Variants in RYR1 observed in about 807,000 individuals in gnomAD.
RYR1 encodes the protein ryanodine receptor 1.
RYR1 carries 342 observed loss-of-function variants against 583.5 expected under a neutral mutation model. The ratio of observed to expected loss-of-function variants is 0.59; its 90% CI spans 0.54 to 0.64. RYR1 has a LOEUF of 0.64. Among genes scored for constraint, RYR1 ranks in the 30% least tolerant of loss-of-function variants. The pLI is 0.00. For missense variants in RYR1, 6,032 were observed against 6,917.2 expected (o/e 0.87, Z 4.54); for synonymous variants, 2,791 against 2,822.5 (o/e 0.99, Z 0.35).
At chr19:38,542,952 C>T (rs1350028216) in intron 84 of RYR1, among the ~76,000 whole-genome samples, 1 of 152,118 alleles carries the variant, frequency 6.6e-6, no homozygotes, top group Non-Finnish European at 1.5e-5. Context: ...AGCGATTCTC[C>T]TGCCTCAGCC....
Position 38,535,324 on chromosome 19 carries a change from G to T in RYR1, c.11448G>T (p.Leu3816=). The T allele has an allele frequency of 6.2e-7, 1 of 1,614,084 alleles. No individual in the cohort carries two copies. Among genetic ancestry groups the T allele is most frequent in the Non-Finnish European group, 8.5e-7 (1 of 1,179,992 alleles). Residue 3816 remains leucine (L), a synonymous_variant, in exon 81 of 106, where the codon CTG becomes CTT. Transcript: ENST00000359596. ...TGCCTCGCCCTCTGCAGAAAATGCTGGATTATCTTAAGGACAAGAAGGAAG... is the reference window on the plus strand; with the variant it reads ...TGCCTCGCCCTCTGCAGAAAATGCTTGATTATCTTAAGGACAAGAAGGAAG... ...GGNAEVQQKM[L]DYLKDKKEVG...
Position 38,433,862 on chromosome 19 carries a change from G to A in RYR1, c.33G>A (p.Gln11=), listed in dbSNP as rs1600608864. ...ACGCAGAAGGCGAAGACGAGGTCCAGTTCCTGCGGACGGTGCGTATCTCTG... is the reference window on the plus strand; with the variant it reads ...ACGCAGAAGGCGAAGACGAGGTCCAATTCCTGCGGACGGTGCGTATCTCTG... The part of the protein sequence containing the change: MGDAEGEDEV[Q]FLRTDDEVVL... The change falls in exon 1 of 106, where the codon CAG becomes CAA. Residue 11 remains glutamine, a synonymous_variant. Transcript: ENST00000359596. The A allele has an allele frequency of 1.2e-6, 2 of 1,612,960 alleles. No individual in the cohort carries two copies. Among genetic ancestry groups the A allele is most frequent in the African/African-American group, 2.7e-5 (2 of 74,722 alleles).
At chr19:38,497,196 T>C (rs554207768) in intron 42 of RYR1, among the ~76,000 whole-genome samples, 4 of 149,216 alleles carry the variant, frequency 2.7e-5, no homozygotes, top group Non-Finnish European at 5.9e-5. Context: ...GTCCACAGTC[T>C]ACGCTTCCGG....
chr19:38,494,262 G>C (rs1600800503), intron 38 of RYR1, 90 bp from the exon 39 acceptor site: 1 of 1,522,090 alleles, frequency 6.6e-7, no homozygotes, highest in Non-Finnish European at 9.1e-7. Flanking sequence ...TTCTGGAACA[G>C]GGGGCCCCTT....
intron 95 of RYR1, among the ~76,000 whole-genome samples, chr19:38,572,791 A>G (rs1973779482): frequency 8.3e-6 from 1 of 120,012 alleles, no homozygotes; most frequent in Non-Finnish European, 1.7e-5. Flanking sequence ...CCTGACCCCT[A>G]TATGCCCCTA....
chr19:38,577,001 T>G (rs1973984321), intron 97 of RYR1, among the ~76,000 whole-genome samples: 1 of 151,984 alleles, frequency 6.6e-6, no homozygotes, highest in South Asian at 2.1e-4. Flanking sequence ...TTCTCCTGCC[T>G]CAGCCTCCCG....
At chr19:38,529,854 A>G (rs1600941189) in intron 76 of RYR1, among the ~76,000 whole-genome samples, 1 of 152,216 alleles carries the variant, frequency 6.6e-6, no homozygotes, top group African/African-American at 2.4e-5. Flanking sequence ...TGTGTCAGGC[A>G]CCAAGCTAAG....
chr19:38,449,287 C>T (rs1263863760), intron 11 of RYR1, among the ~76,000 whole-genome samples: 2 of 151,956 alleles, frequency 1.3e-5, no homozygotes, highest in East Asian at 3.9e-4. Flanking sequence ...TGGTGAAACC[C>T]TGTCTCTACT....
chr19:38,451,872 A>T lies in RYR1; in HGVS notation c.1231A>T (p.Asn411Tyr). Residue 411 changes from asparagine (N) to tyrosine (Y), a missense_variant, in exon 12 of 106, where the codon AAC becomes TAC. Asn to Tyr is a moderately radical substitution (Grantham distance 143). This residue lies in a region of RYR1 where 2,627 missense variants were observed against 2,961.3 expected (regional missense o/e 0.89). Transcript: ENST00000359596. Reference sequence around the variant, plus strand: ...GATCCACAGCACCAATGGCCTATACAACCAGTTCATCAAGTGAGCAACCTG... The same window carrying T: ...GATCCACAGCACCAATGGCCTATACTACCAGTTCATCAAGTGAGCAACCTG... Reference protein sequence around the residue: ...RMIHSTNGLYNQFIKSLDSFS... With the variant: ...RMIHSTNGLYYQFIKSLDSFS... 1.9e-6 allele frequency: 3 copies of T among 1,614,044 alleles called. No homozygotes were observed. The highest frequency in any genetic ancestry group is 2.5e-6 in the Non-Finnish European group (3 of 1,179,978).
intron 84 of RYR1, among the ~76,000 whole-genome samples, chr19:38,542,254 G>A (rs563478632): frequency 1.3e-5 from 2 of 152,064 alleles, no homozygotes; most frequent in East Asian, 1.9e-4. Context: ...TTGAATAAAT[G>A]AACAAGTGAC....
At chr19:38,575,516 T>C (rs1362861534) in intron 96 of RYR1, among the ~76,000 whole-genome samples, 1 of 146,744 alleles carries the variant, frequency 6.8e-6, no homozygotes, top group Non-Finnish European at 1.5e-5. Context: ...ATACAAAAAT[T>C]AGCCGGGCGT....
chr19:38,440,597 C>T, intron 1 of RYR1, 148 bp from the exon 2 acceptor site: 1 of 692,936 alleles, frequency 1.4e-6, no homozygotes, highest in South Asian at 2.0e-5. Context: ...AAGGAGTTGT[C>T]AGGAGCAGGT....
At chr19:38,475,585 A>G in intron 29 of RYR1, 135 bp downstream of exon 29, 1 of 1,107,180 alleles carries the variant, frequency 9.0e-7, no homozygotes, top group Non-Finnish European at 1.3e-6. Context: ...CTAGAAACTC[A>G]TAAAATATGG....
At position 38,500,190 on chromosome 19, in the gene RYR1, CT is replaced by C. The variant is rs1279218083; in HGVS notation, c.7323+175del. Among the ~76,000 whole-genome samples, 1 of 152,066 alleles carries C rather than the reference CT, an allele frequency of 6.6e-6. No individual in the cohort carries two copies. Among genetic ancestry groups the C allele is most frequent in the Non-Finnish European group, 1.5e-5 (1 of 68,002 alleles). ...AGCCCCAGGGCCTGGTCTCACAGAG[CT>C]CCCAGTCCAATGGGGGAGACGGACA... On this transcript the variant is annotated intron_variant, in intron 45 of 105. Transcript: ENST00000359596. This position sits in a 1 kb window ranked among gnomAD's most constrained non-coding sequence, Gnocchi z 5.9.
chr19:38,566,341 C>T (rs1599637909), intron 91 of RYR1, among the ~76,000 whole-genome samples: 2 of 146,186 alleles, frequency 1.4e-5, no homozygotes, highest in Admixed American at 7.0e-5. Context: ...CCCAGCTACT[C>T]GGGAGGCTGA....
chr19:38,464,780 C>T (rs369745741), intron 23 of RYR1, 58 bp downstream of exon 23: 2 of 1,487,758 alleles, frequency 1.3e-6, no homozygotes, highest in African/African-American at 2.8e-5. Flanking sequence ...GGATGCTGTG[C>T]TAAGGGCTGG....
intron 30 of RYR1, 59 bp downstream of exon 30, chr19:38,477,929 GCTC>G: frequency 6.6e-7 from 1 of 1,521,402 alleles, no homozygotes; most frequent in Non-Finnish European, 9.0e-7. Flanking sequence ...GGCAGTCAGA[GCTC>G]CCGACACCAG....
chr19:38,439,709 T>C (rs1972585514), intron 1 of RYR1, among the ~76,000 whole-genome samples: 1 of 151,868 alleles, frequency 6.6e-6, no homozygotes. Context: ...GGTTTCACCA[T>C]GTTGGCCAGG....
chr19:38,511,170 C>A (rs1970709076), intron 60 of RYR1, among the ~76,000 whole-genome samples: 1 of 152,050 alleles, frequency 6.6e-6, no homozygotes, highest in Non-Finnish European at 1.5e-5. Flanking sequence ...GTGGTGCATG[C>A]CTGTAGTCCC....
Sources: gnomAD v4.1 joint callset for allele counts (sites outside exome capture counted in the v4.1 genomes callset) on GRCh38, gnomAD v4.1.1 for gene constraint, gnomAD v4.1.1 regional missense constraint, Gnocchi (gnomAD v3.1) non-coding constraint, MANE v1.5 for transcripts, NCBI Gene and HGNC (gene_info 2026-07-23, HGNC 2026-07-21) for gene names.